Variants in COL4A3 observed in about 807,000 individuals in gnomAD.
COL4A3 encodes the protein collagen alpha-3(IV) chain.
In COL4A3, 135 loss-of-function variants were observed where a neutral mutation model predicts 217.4. That is an observed-to-expected ratio of 0.62 (90% CI 0.54 to 0.72). COL4A3 has a LOEUF of 0.72. Among genes scored for constraint, COL4A3 ranks in the 30% least tolerant of loss-of-function variants. The pLI is 0.00. For synonymous variants in COL4A3, 690 were observed against 736.3 expected (o/e 0.94, Z 1.02); for missense variants, 1,868 against 2,119.9 (o/e 0.88, Z 2.33).
intron 43 of COL4A3, 46 bp downstream of exon 43, chr2:227,298,858 CTT>C: frequency 6.5e-7 from 1 of 1,538,788 alleles, no homozygotes; most frequent in Non-Finnish European, 8.9e-7. Context: ...TCAATATCAA[CTT>C]ATAATTATTC....
At chr2:227,238,223 G>A in intron 2 of COL4A3, 199 bp downstream of exon 2, 2 of 457,082 alleles carry the variant, frequency 4.4e-6, no homozygotes, top group South Asian at 2.3e-5. Context: ...CAGATACCTT[G>A]TATATACAAT....
chr2:227,233,842 G>A (rs7574664), intron 1 of COL4A3, among the ~76,000 whole-genome samples: 49,099 of 151,610 alleles, frequency 0.32, 8,314 homozygotes, highest in Non-Finnish European at 0.36. Context: ...CGGGTCCTAT[G>A]GATTCTTGCA....
At chr2:227,225,802 C>T (rs2068058637) in intron 1 of COL4A3, among the ~76,000 whole-genome samples, 1 of 151,476 alleles carries the variant, frequency 6.6e-6, no homozygotes, top group African/African-American at 2.4e-5. Flanking sequence ...ACCTCCACCT[C>T]CCAGGTTGAA....
intron 1 of COL4A3, among the ~76,000 whole-genome samples, chr2:227,219,602 A>T (rs2067676962): frequency 6.6e-6 from 1 of 152,294 alleles, no homozygotes; most frequent in African/African-American, 2.4e-5. Flanking sequence ...GATGTAGCTT[A>T]CATTTTCTTA....
chr2:227,246,663 A>G, intron 6 of COL4A3, 22 bp from the exon 7 acceptor site: 1 of 1,596,174 alleles, frequency 6.3e-7, no homozygotes, highest in Non-Finnish European at 8.6e-7. Flanking sequence ...AAGAATAATA[A>G]GAAACTTTGT....
rs766608954 is a variant in COL4A3 at position 227,293,290 on chromosome 2, G to C, written c.3310G>C (p.Gly1104Arg). 2.5e-6 allele frequency: 4 copies of C among 1,613,472 alleles called. No individual in the cohort carries two copies. The highest frequency in any genetic ancestry group is 3.4e-6 in the Non-Finnish European group (4 of 1,179,946). Residue 1104 changes from glycine (G) to arginine (R), a missense_variant, in exon 38 of 52, where the codon GGA (glycine) becomes CGA (arginine). Transcript: ENST00000396578. ...GCCTGCTGGACCTGAGGGAGCCCCT[G>C]GAAGTCCTGGAAGTCCTGGCCTCCC... ...LGPAGPEGAP[G>R]SPGSPGLPGK...
intron 17 of COL4A3, among the ~76,000 whole-genome samples, chr2:227,257,090 C>G (rs1278203748): frequency 1.3e-5 from 2 of 152,340 alleles, no homozygotes; most frequent in East Asian, 1.9e-4. Flanking sequence ...TATGAGACCA[C>G]TATCATATAC....
Position 227,203,362 on chromosome 2 carries a change from CAT to C in COL4A3, c.88-34601_88-34600del, listed in dbSNP as rs1553739300. ...ATATGTGTATATATGTGTATATATA[CAT>C]ATATGTGTATACATACATATATGTG... On this transcript the variant is annotated intron_variant, in intron 1 of 51. Coordinates refer to ENST00000396578, the MANE Select transcript of COL4A3 (RefSeq NM_000091.5). 7.7e-5 allele frequency among the ~76,000 whole-genome samples: 2 copies of C among 25,822 alleles called. 1 individual carries two copies. The highest frequency in any genetic ancestry group is 3.6e-4 in the African/African-American group (2 of 5,592). The allele number at this position is 25,822 out of a possible 152,430, so 16.9% of individuals were successfully genotyped here. A position where few individuals can be genotyped will look rare whatever the true frequency, so the allele number is the denominator to read the frequency against.
chr2:227,223,560 G>GC lies in COL4A3; in HGVS notation c.88-14401dup, dbSNP rs201059999. Among the ~76,000 whole-genome samples, 86 of 151,330 alleles carry GC rather than the reference G, an allele frequency of 5.7e-4. No individual in the cohort carries two copies. In the South Asian group the frequency reaches 0.012, roughly 21 times the overall value. On this transcript the variant is annotated intron_variant, in intron 1 of 51. Transcript: ENST00000396578. ...ACCAGCCTGACCAACATGGTGAGAC[G>GC]CCCCCCCAACTCTACTAAAAATACA...
At position 227,253,522 on chromosome 2, in the gene COL4A3, G is replaced by A; in HGVS notation, c.688-39G>A. On this transcript the variant is annotated intron_variant, in intron 12 of 51. Transcript: ENST00000396578. This position sits in a 1 kb window ranked among gnomAD's most constrained non-coding sequence, Gnocchi z 4.4. ...GTAGTAACATTGAAATGTTGATGCT[G>A]TTGTTTATTTTCTCACTCCTGAGTG... 1.3e-6 allele frequency: 2 copies of A among 1,542,686 alleles called. No homozygotes were observed. Among genetic ancestry groups the A allele is most frequent in the Non-Finnish European group, 9.0e-7 (1 of 1,115,056 alleles).
chr2:227,238,165 A>G (rs2068802228), intron 2 of COL4A3, 141 bp downstream of exon 2: 2 of 597,614 alleles, frequency 3.3e-6, no homozygotes, highest in South Asian at 3.7e-5. Flanking sequence ...AATTGTATAT[A>G]AACATTAACC....
At chr2:227,227,245 G>A (rs34022343) in intron 1 of COL4A3, among the ~76,000 whole-genome samples, 71,673 of 151,938 alleles carry the variant, frequency 0.47, 17,119 homozygotes, top group Admixed American at 0.53. Flanking sequence ...GATAGGGTGA[G>A]AGGGGGAGAA....
Position 227,304,141 on chromosome 2 carries a change from C to T in COL4A3, c.4150C>T (p.Leu1384=). 1.9e-6 allele frequency: 3 copies of T among 1,613,982 alleles called. No individual in the cohort carries two copies. Among genetic ancestry groups the T allele is most frequent in the Non-Finnish European group, 2.5e-6 (3 of 1,179,954 alleles). The change falls in exon 46 of 52, where the codon CTA becomes TTA. Residue 1384 remains leucine, a synonymous_variant. Coordinates refer to ENST00000396578, the MANE Select transcript of COL4A3 (RefSeq NM_000091.5). ...TGGGCCACCAGGGCCACCTGGAAAC[C>T]TAGGTGTGGGACTGGCAGCATTGAC... ...EPGPPGPPGN[L]GPCGPRGKPG...
intron 28 of COL4A3, among the ~76,000 whole-genome samples, chr2:227,278,746 G>T (rs951769523): frequency 6.6e-6 from 1 of 152,152 alleles, no homozygotes; most frequent in African/African-American, 2.4e-5. Flanking sequence ...ACTGTTGACT[G>T]TGGGAACCAG....
chr2:227,313,702 A>T lies in COL4A3; in HGVS notation c.*1832A>T, dbSNP rs2073816525. On this transcript the variant is annotated 3_prime_UTR_variant, in exon 52 of 52. Transcript: ENST00000396578. ...GTCAAGCCATTTTTACATCTAAACTAAGATGTGCAGCATTTCACTTATTTA... is the reference window on the plus strand; with the variant it reads ...GTCAAGCCATTTTTACATCTAAACTTAGATGTGCAGCATTTCACTTATTTA... 1 of 152,634 alleles carries T rather than the reference A, an allele frequency of 6.6e-6. No homozygotes were observed. The highest frequency in any genetic ancestry group is 1.5e-5 in the Non-Finnish European group (1 of 68,036). The allele number at this position is 152,634 out of a possible 1,614,324, so 9.5% of individuals were successfully genotyped here. A position where few individuals can be genotyped will look rare whatever the true frequency, so the allele number is the denominator to read the frequency against.
intron 19 of COL4A3, chr2:227,260,157 A>G (rs1044908722): frequency 2.1e-5 from 12 of 578,486 alleles, no homozygotes; most frequent in Non-Finnish European, 3.9e-5. Context: ...AGGGAGTGCA[A>G]GGCATTGGCA....
At position 227,294,980 on chromosome 2, in the gene COL4A3, A is replaced by G. The variant is rs191363114; in HGVS notation, c.3435A>G (p.Pro1145=). The G allele has an allele frequency of 6.2e-7, 1 of 1,601,362 alleles. No individual in the cohort carries two copies. Among genetic ancestry groups the G allele is most frequent in the Non-Finnish European group, 8.5e-7 (1 of 1,170,816 alleles). ...IRGPPGLPGF[P]GSPGPMGIRG... The stretch of plus-strand genomic sequence containing the variant: ...TTTTTTCAGGTCTTCCAGGATTTCC[A>G]GGATCTCCTGGACCAATGGGTATAA... Residue 1145 remains proline (P), a synonymous_variant, in exon 40 of 52, where the codon CCA becomes CCG. Transcript: ENST00000396578.
At chr2:227,256,101 T>G (rs1197557838) in intron 16 of COL4A3, 31 bp downstream of exon 16, 14 of 1,599,238 alleles carry the variant, frequency 8.8e-6, no homozygotes, top group Non-Finnish European at 1.2e-5. Flanking sequence ...ATGGAGGTAG[T>G]AAAAATGTCA....
chr2:227,246,454 G>A (rs905480832), intron 6 of COL4A3, among the ~76,000 whole-genome samples: 6 of 152,090 alleles, frequency 3.9e-5, no homozygotes, highest in African/African-American at 9.7e-5. Flanking sequence ...AGTTCTTGGC[G>A]CAATTAGACT....
Sources: allele counts gnomAD v4.1 joint callset (sites outside exome capture counted in the v4.1 genomes callset), GRCh38; gene constraint gnomAD v4.1.1; non-coding constraint Gnocchi (gnomAD v3.1); transcripts MANE v1.5; gene names NCBI Gene and HGNC (gene_info 2026-07-23, HGNC 2026-07-21).